The following GRIP1 variants were observed in gnomAD, a reference collection of about 807,000 sequenced individuals.
GRIP1 encodes the protein glutamate receptor-interacting protein 1.
GRIP1 carries 45 observed loss-of-function variants against 129.9 expected under a neutral mutation model. The observed-to-expected ratio is 0.35, with a 90% CI of 0.27 to 0.44. GRIP1 has a LOEUF of 0.44. Among genes scored for constraint, GRIP1 ranks in the 20% least tolerant of loss-of-function variants. The pLI is 1.00. For missense variants in GRIP1, 1,196 were observed against 1,396.8 expected (o/e 0.86, Z 2.29); for synonymous variants, 530 against 520.8 (o/e 1.02, Z -0.24).
intron 1 of GRIP1, among the ~76,000 whole-genome samples, chr12:66,935,659 C>T (rs2041471403): frequency 6.6e-6 from 1 of 152,124 alleles, no homozygotes; most frequent in Non-Finnish European, 1.5e-5. Context: ...CTCAGAATCA[C>T]GGCAGATTCA....
rs563856485 is a variant in GRIP1, at chr12:66,541,871, A to G, written c.216T>C (p.Ile72=). ...ATACTCTTGGCTTGCCATCCTTATC[A>G]ATTCCTCCCGATACCGTCAGACCCA... ...TTLGLTVSGG[I]DKDGKPRVSN... is the part of the protein sequence containing the mutation. The change falls in exon 3 of 25, where the codon ATT becomes ATC. Residue 72 remains isoleucine, a synonymous_variant. Transcript: ENST00000359742. The G allele has an allele frequency of 6.8e-6, 11 of 1,614,068 alleles. No individual in the cohort carries two copies. The South Asian group carries it at 9.9e-5, about 15-fold the overall frequency.
intron 1 of GRIP1, among the ~76,000 whole-genome samples, chr12:66,607,032 T>G (rs1172580906): frequency 1.3e-5 from 2 of 152,122 alleles, no homozygotes; most frequent in Non-Finnish European, 2.9e-5. Flanking sequence ...AGAGTGTGTG[T>G]GTGTGTGCAC....
chr12:66,788,179 A>G (rs1310268899), intron 1 of GRIP1, among the ~76,000 whole-genome samples: 1 of 152,034 alleles, frequency 6.6e-6, no homozygotes, highest in South Asian at 2.1e-4. Flanking sequence ...TGCTGCACCT[A>G]CTATCGGGAC....
At chr12:66,967,396 G>A (rs2137558489) in intron 1 of GRIP1, among the ~76,000 whole-genome samples, 1 of 152,150 alleles carries the variant, frequency 6.6e-6, no homozygotes, top group South Asian at 2.1e-4. Context: ...CTTATTTTAG[G>A]TGAAGTTTTA....
chr12:66,371,924 T>C lies in GRIP1; in HGVS notation c.2782A>G (p.Thr928Ala), dbSNP rs2055527376. The C allele has an allele frequency of 1.2e-6, 2 of 1,603,496 alleles. No individual in the cohort carries two copies. The highest frequency in any genetic ancestry group is 1.7e-6 in the Non-Finnish European group (2 of 1,173,152). The change falls in exon 23 of 25, where the codon ACA (threonine) becomes GCA (alanine). Residue 928 changes from threonine (T) to alanine (A), a missense_variant. Physicochemically the swap from Thr to Ala is moderately conservative, Grantham distance 58. Transcript: ENST00000359742. The part of the protein sequence containing the change: ...VSLRNMTLLA[T>A]IMSGSTMSLN... ...CTCATCGTGCTCCCCGACATGATTG[T>C]TGCCTGTGGCATTGACAATTTTTAG...
At chr12:66,958,134 G>C (rs1022862829) in intron 1 of GRIP1, among the ~76,000 whole-genome samples, 2 of 151,990 alleles carry the variant, frequency 1.3e-5, no homozygotes, top group Non-Finnish European at 2.9e-5. Context: ...CATGGATTTT[G>C]CTTGCTTATT....
intron 1 of GRIP1, among the ~76,000 whole-genome samples, chr12:66,815,791 A>T (rs2136966454): frequency 6.7e-6 from 1 of 149,302 alleles, no homozygotes; most frequent in African/African-American, 2.5e-5. Flanking sequence ...AAACAAAAAA[A>T]ATGGGGAGTG....
At chr12:67,015,385 C>A (rs2042771063) in intron 1 of GRIP1, among the ~76,000 whole-genome samples, 1 of 152,092 alleles carries the variant, frequency 6.6e-6, no homozygotes, top group African/African-American at 2.4e-5. Flanking sequence ...TTCACTGTCC[C>A]CAAGAGGGGT....
intron 1 of GRIP1, among the ~76,000 whole-genome samples, chr12:67,041,594 T>C (rs186405021): frequency 6.6e-6 from 1 of 152,256 alleles, no homozygotes; most frequent in Admixed American, 6.5e-5. Context: ...GAGTGGGTGA[T>C]CCTCAGCAAA....
chr12:66,923,141 T>A (rs2041240559), intron 1 of GRIP1, among the ~76,000 whole-genome samples: 1 of 152,128 alleles, frequency 6.6e-6, no homozygotes. Flanking sequence ...TGAACCTAAT[T>A]GCAATTGATA....
chr12:66,946,118 A>G (rs918832389), intron 1 of GRIP1, among the ~76,000 whole-genome samples: 3 of 152,144 alleles, frequency 2.0e-5, no homozygotes, highest in Admixed American at 6.5e-5. Context: ...TGTTTTCTTA[A>G]AAGACCTTTC....
chr12:66,850,151 A>T (rs958012461), intron 1 of GRIP1, among the ~76,000 whole-genome samples: 3 of 152,178 alleles, frequency 2.0e-5, no homozygotes, highest in Admixed American at 1.3e-4. Flanking sequence ...GAGATGAGTT[A>T]TATTACAAAT....
intron 1 of GRIP1, among the ~76,000 whole-genome samples, chr12:67,003,585 C>T (rs138072898): frequency 1.5e-3 from 226 of 151,942 alleles, no homozygotes; most frequent in African/African-American, 4.9e-3. Context: ...CCCAGCTACT[C>T]GGGAGGCTGA....
chr12:66,714,377 GA>G (rs1840173429), intron 1 of GRIP1, among the ~76,000 whole-genome samples: 1 of 152,038 alleles, frequency 6.6e-6, no homozygotes, highest in African/African-American at 2.4e-5. Context: ...TGGAAATGCA[GA>G]AAAGATCAGT....
intron 1 of GRIP1, among the ~76,000 whole-genome samples, chr12:67,055,272 G>A (rs545078819): frequency 2.6e-5 from 4 of 152,324 alleles, no homozygotes; most frequent in African/African-American, 9.6e-5. Context: ...GGAGAGAGGG[G>A]AGAGTATGCT....
intron 1 of GRIP1, among the ~76,000 whole-genome samples, chr12:66,843,746 C>T (rs2039763304): frequency 6.6e-6 from 1 of 152,022 alleles, no homozygotes; most frequent in Non-Finnish European, 1.5e-5. Context: ...AAAACAATAT[C>T]CACATGTAAA....
At chr12:67,044,588 C>T (rs180941711) in intron 1 of GRIP1, among the ~76,000 whole-genome samples, 40 of 152,156 alleles carry the variant, frequency 2.6e-4, no homozygotes, top group South Asian at 6.2e-4. Flanking sequence ...CTGTAAAATT[C>T]CTGTTGATTC....
chr12:66,725,192 C>A (rs2036212794), intron 1 of GRIP1, among the ~76,000 whole-genome samples: 1 of 151,950 alleles, frequency 6.6e-6, no homozygotes, highest in African/African-American at 2.4e-5. Context: ...GTCCTAGCTA[C>A]TAAGGGGGCT....
chr12:66,727,403 C>T (rs1199579776), intron 1 of GRIP1, among the ~76,000 whole-genome samples: 1 of 152,178 alleles, frequency 6.6e-6, no homozygotes, highest in African/African-American at 2.4e-5. Flanking sequence ...CTGCTCAGTC[C>T]TCTTGCTCTT....
Sources: allele counts gnomAD v4.1 joint callset (sites outside exome capture counted in the v4.1 genomes callset), GRCh38; gene constraint gnomAD v4.1.1; transcripts MANE v1.5; gene names NCBI Gene and HGNC (gene_info 2026-07-23, HGNC 2026-07-21).